Variants in ZNF814 observed in about 807,000 individuals in gnomAD.
ZNF814 encodes the protein zinc finger protein 814.
Under a neutral mutation model 7.5 loss-of-function variants are expected in ZNF814, and 5 were observed. The observed-to-expected ratio is 0.67, with a 90% CI of 0.35 to 1.40. The LOEUF (loss-of-function observed/expected upper bound fraction) is 1.40, where lower values mean the gene tolerates loss of function less well. Ranked by LOEUF, ZNF814 falls within the 40% of genes most tolerant of loss-of-function variation. The probability of loss-of-function intolerance (pLI) is 0.04; values close to 1 mark genes in which losing one functional copy is unlikely to be tolerated. For missense variants in ZNF814, 962 were observed against 1,018.0 expected (o/e 0.94, Z 0.75); for synonymous variants, 315 against 340.7 (o/e 0.92, Z 0.83).
At chr19:57,876,038 G>A (rs1264912062) in intron 2 of ZNF814, among the ~76,000 whole-genome samples, 3 of 129,396 alleles carry the variant, frequency 2.3e-5, no homozygotes, top group Non-Finnish European at 4.7e-5. Flanking sequence ...TGGGCTCACC[G>A]CAACCTCCCC....
chr19:57,901,650 T>C, the ZNF814 span: 29 of 398,350 alleles, frequency 7.3e-5, no homozygotes, highest in Non-Finnish European at 1.1e-4. Flanking sequence ...AGACCAAGAA[T>C]ACTCACCAGG....
chr19:57,899,358 A>G, the ZNF814 span, among the ~76,000 whole-genome samples: 2 of 152,248 alleles, frequency 1.3e-5, no homozygotes, highest in African/African-American at 4.8e-5. Context: ...CACAAACAGA[A>G]AAGTCTGTAA....
rs773209425 is a variant in ZNF814, at chr19:57,874,039, G to C, written c.1351C>G (p.Leu451Val). Reference sequence around the variant, plus strand: ...GCGTGAACTCGTTGATGGCTCCTAAGATGTCCTTCTGAACTAAAAGATTTC... The same window carrying C: ...GCGTGAACTCGTTGATGGCTCCTAACATGTCCTTCTGAACTAAAAGATTTC... Reference protein sequence around the residue: ...CGKSFSSEGHLRSHQRVHAGE... With the variant: ...CGKSFSSEGHVRSHQRVHAGE... Residue 451 changes from leucine to valine, a missense_variant, in exon 3 of 3, where the codon CTT becomes GTT. Transcript: ENST00000435989. 4 of 1,612,020 alleles carry C rather than the reference G, an allele frequency of 2.5e-6. No homozygotes were observed. In the African/African-American group the frequency reaches 4.0e-5, roughly 16 times the overall value.
At position 57,872,248 on chromosome 19, in the gene ZNF814, C is replaced by A. The variant is rs192080069; in HGVS notation, c.*574G>T. Among the ~76,000 whole-genome samples, 1 of 152,214 alleles carries A rather than the reference C, an allele frequency of 6.6e-6. No individual in the cohort carries two copies. Among genetic ancestry groups the A allele is most frequent in the Non-Finnish European group, 1.5e-5 (1 of 68,030 alleles). On this transcript the variant is annotated 3_prime_UTR_variant, in exon 3 of 3. Transcript: ENST00000435989. Reference sequence around the variant, plus strand: ...AAGGGTTACATTGAAAAAGAAATAACATTCCATATACATCTATGGTGTTTT... The same window carrying A: ...AAGGGTTACATTGAAAAAGAAATAAAATTCCATATACATCTATGGTGTTTT...
chr19:57,871,935 CCTGT>C lies in ZNF814; in HGVS notation c.*883_*886del, dbSNP rs1202511449. ...ACCAGCCTGGGCAACATGGTGAGAC[CCTGT>C]CTCTCCAAAACTTAAAAAAATTAGT... On this transcript the variant is annotated 3_prime_UTR_variant, in exon 3 of 3. Transcript: ENST00000435989. 6.6e-6 allele frequency among the ~76,000 whole-genome samples: 1 copy of C among 151,720 alleles called. No homozygotes were observed. Among genetic ancestry groups the C allele is most frequent in the Non-Finnish European group, 1.5e-5 (1 of 67,992 alleles).
In ZNF814 at chr19:57,872,913, T is replaced by A. The variant is rs2071568157; in HGVS notation, c.2477A>T (p.Lys826Met). 6.2e-7 allele frequency: 1 copy of A among 1,609,780 alleles called. No homozygotes were observed. The highest frequency in any genetic ancestry group is 1.4e-5 in the African/African-American group (1 of 73,632). Residue 826 changes from lysine (K) to methionine (M), a missense_variant, in exon 3 of 3, where the codon AAG (lysine) becomes ATG (methionine). Around this residue, in one of 7 missense-constraint regions of ZNF814, gnomAD observed 665 missense variants for 551.4 expected, o/e 1.21. Transcript: ENST00000435989. ...TKHKRVHTGE[K>M]PYKCEKCGKL... Reference sequence around the variant, plus strand: ...CCCACATTTCTCACATTTATAAGGCTTTTCTCCAGTGTGAACTCTCTTGTG... The same window carrying A: ...CCCACATTTCTCACATTTATAAGGCATTTCTCCAGTGTGAACTCTCTTGTG...
At chr19:57,898,441 C>T in the ZNF814 span, among the ~76,000 whole-genome samples, 10 of 152,278 alleles carry the variant, frequency 6.6e-5, no homozygotes, top group East Asian at 1.7e-3. Flanking sequence ...CAGATCGAAC[C>T]GCATTAGGGT....
intron 1 of ZNF814, among the ~76,000 whole-genome samples, chr19:57,885,581 G>C (rs2071684185): frequency 6.7e-6 from 1 of 148,300 alleles, no homozygotes; most frequent in East Asian, 2.0e-4. Context: ...AGTGAGCCGA[G>C]ATTGCACCAC....
upstream of ZNF814, among the ~76,000 whole-genome samples, chr19:57,889,912 T>C (rs954901901): frequency 3.9e-5 from 6 of 152,118 alleles, no homozygotes; most frequent in African/African-American, 1.2e-4. Flanking sequence ...AGATTGCAGA[T>C]CTTTCTCCTA....
chr19:57,873,178 G>C lies in ZNF814; in HGVS notation c.2212C>G (p.His738Asp), dbSNP rs2071571601. ...CATTCATAAGGCCTTTCTCCAGTGT[G>C]AACTCTCTGATGTGCAATGAGTTGG... Reference protein sequence around the residue: ...KYQLIAHQRVHTGERPYECND... With the variant: ...KYQLIAHQRVDTGERPYECND... The change falls in exon 3 of 3, where the codon CAC becomes GAC. Residue 738 changes from histidine (H) to aspartate (D), a missense_variant. His to Asp is a moderately conservative substitution (Grantham distance 81, BLOSUM62 -1). Coordinates refer to ENST00000435989, the MANE Select transcript of ZNF814 (RefSeq NM_001144989.2). 1 of 1,613,618 alleles carries C rather than the reference G, an allele frequency of 6.2e-7. No individual in the cohort carries two copies. The highest frequency in any genetic ancestry group is 8.5e-7 in the Non-Finnish European group (1 of 1,179,850).
chr19:57,892,450 A>T (rs1352571747), upstream of ZNF814, among the ~76,000 whole-genome samples: 7 of 152,228 alleles, frequency 4.6e-5, no homozygotes. Context: ...CAATGCCCAA[A>T]TTAGGAAGAT....
the ZNF814 span, among the ~76,000 whole-genome samples, chr19:57,899,198 C>A: frequency 6.6e-6 from 1 of 152,172 alleles, no homozygotes; most frequent in African/African-American, 2.4e-5. Context: ...AGTACTCCCA[C>A]AAGGCATGTT....
chr19:57,874,900 G>T lies in ZNF814; in HGVS notation c.490C>A (p.His164Asn), dbSNP rs777668066. ...EALFAKRCKL[H>N]VSGESSVFSE... Reference sequence around the variant, plus strand: ...AAGACAGATGACTCCCCTGACACATGCAACTTACACCTCTTTGCAAACAAC... The same window carrying T: ...AAGACAGATGACTCCCCTGACACATTCAACTTACACCTCTTTGCAAACAAC... The change falls in exon 3 of 3, where the codon CAT (histidine) becomes AAT (asparagine). Residue 164 changes from histidine to asparagine, a missense_variant. Physicochemically the swap from His to Asn is moderately conservative, Grantham distance 68. Coordinates refer to ENST00000435989, the MANE Select transcript of ZNF814 (RefSeq NM_001144989.2). 1 of 1,613,806 alleles carries T rather than the reference G, an allele frequency of 6.2e-7. No homozygotes were observed. Among genetic ancestry groups the T allele is most frequent in the Non-Finnish European group, 8.5e-7 (1 of 1,179,830 alleles).
At chr19:57,888,693 G>C in intron 1 of ZNF814, 74 bp downstream of exon 1, 1 of 1,529,152 alleles carries the variant, frequency 6.5e-7, no homozygotes. Flanking sequence ...GCAGAGCCGT[G>C]AACAGGCGCT....
chr19:57,885,375 A>C (rs2071682411), intron 1 of ZNF814, among the ~76,000 whole-genome samples: 1 of 151,562 alleles, frequency 6.6e-6, no homozygotes, highest in East Asian at 1.9e-4. Flanking sequence ...TCACACCTGT[A>C]ATCTCAGCAC....
chr19:57,885,461 T>C (rs2071683225), intron 1 of ZNF814, among the ~76,000 whole-genome samples: 1 of 151,580 alleles, frequency 6.6e-6, no homozygotes, highest in African/African-American at 2.4e-5. Context: ...AAACCCCATC[T>C]CTACTATAAA....
intron 1 of ZNF814, among the ~76,000 whole-genome samples, chr19:57,884,960 G>A (rs1352748569): frequency 1.3e-5 from 2 of 152,166 alleles, no homozygotes; most frequent in African/African-American, 4.8e-5. Context: ...TCCCATGTTT[G>A]CTGCAGCACT....
At chr19:57,894,673 CAAAA>C in the ZNF814 span, among the ~76,000 whole-genome samples, 1 of 144,090 alleles carries the variant, frequency 6.9e-6, no homozygotes, top group East Asian at 2.0e-4. Flanking sequence ...ACTAAAAATA[CAAAA>C]AAAAAAATTA....
upstream of ZNF814, among the ~76,000 whole-genome samples, chr19:57,889,465 TGAG>T (rs2071720875): frequency 1.3e-5 from 2 of 152,078 alleles, no homozygotes; most frequent in African/African-American, 2.4e-5. Flanking sequence ...TTAGGGAGCC[TGAG>T]GAGGGAGAAT....
Sources: allele counts gnomAD v4.1 joint callset (sites outside exome capture counted in the v4.1 genomes callset), GRCh38; gene constraint gnomAD v4.1.1; regional missense constraint gnomAD v4.1.1; transcripts MANE v1.5; gene names NCBI Gene and HGNC (gene_info 2026-07-23, HGNC 2026-07-21).